The following APOL2 variants were observed in gnomAD, a reference collection of about 807,000 sequenced individuals.
APOL2 encodes the protein apolipoprotein L, 2.
Under a neutral mutation model 7.1 loss-of-function variants are expected in APOL2, and 8 were observed. That is an observed-to-expected ratio of 1.12 (90% CI 0.66 to 2.03). APOL2 has a LOEUF of 2.03. Ranked by LOEUF, APOL2 falls within the 30% of genes most tolerant of loss-of-function variation. APOL2 has a pLI of 0.00. For missense variants in APOL2, 471 were observed against 415.1 expected (o/e 1.13, Z -1.17); for synonymous variants, 177 against 159.9 (o/e 1.11, Z -0.81).
rs1170166306 is a variant in APOL2, at chr22:36,227,538, C to G, written c.880G>C (p.Glu294Gln). The G allele has an allele frequency of 1.9e-6, 3 of 1,614,036 alleles. No individual in the cohort carries two copies. The highest frequency in any genetic ancestry group is 4.5e-5 in the East Asian group (2 of 44,890). Residue 294 changes from glutamate (E) to glutamine (Q), a missense_variant, in exon 5 of 5, where the codon GAG becomes CAG. By Grantham distance (29) the Glu-to-Gln change is conservative (BLOSUM62 2). Coordinates refer to ENST00000358502, the MANE Select transcript of APOL2 (RefSeq NM_030882.4). Reference protein sequence around the residue: ...LLLDVVSLAYESKHLLEGAKS... With the variant: ...LLLDVVSLAYQSKHLLEGAKS... ...GCCCCCTCAAGCAAGTGCTTTGACT[C>G]ATATGCAAGGCTGACCACATCCAGC...
chr22:36,237,106 G>A, intron 1 of APOL2: 1 of 1,534,872 alleles, frequency 6.5e-7, no homozygotes, highest in East Asian at 2.5e-5. Flanking sequence ...CCATCCTCCT[G>A]GGTCATTGTT....
At position 36,227,763 on chromosome 22, in the gene APOL2, C is replaced by A; in HGVS notation, c.655G>T (p.Gly219Trp). 5.6e-6 allele frequency: 9 copies of A among 1,614,242 alleles called. No individual in the cohort carries two copies. Among genetic ancestry groups the A allele is most frequent in the Non-Finnish European group, 6.8e-6 (8 of 1,180,050 alleles). Residue 219 changes from glycine (G) to tryptophan (W), a missense_variant, in exon 5 of 5, where the codon GGG becomes TGG. Physicochemically the swap from Gly to Trp is radical, Grantham distance 184. Transcript: ENST00000358502. ...ATGGCACGGATGTTCCTCCCAATCC[C>A]TTGTGTGACTTGGTACCAATTGTCA... is the stretch of plus-strand genomic sequence containing the variant. ...LVDNWYQVTQ[G>W]IGRNIRAIRR...
At chr22:36,238,183 G>A (rs192564508) in intron 1 of APOL2, among the ~76,000 whole-genome samples, 11 of 152,290 alleles carry the variant, frequency 7.2e-5, no homozygotes, top group Admixed American at 1.3e-4. Context: ...GATGCCCTCC[G>A]CCCTCCCTGG....
In APOL2 at chr22:36,227,768, G is replaced by A. The variant is rs1033495952; in HGVS notation, c.650C>T (p.Thr217Ile). The A allele has an allele frequency of 4.3e-6, 7 of 1,614,120 alleles. No individual in the cohort carries two copies. The African/African-American group carries it at 8.0e-5, about 18-fold the overall frequency. The change falls in exon 5 of 5, where the codon ACA (threonine) becomes ATA (isoleucine). Residue 217 changes from threonine (T) to isoleucine (I), a missense_variant. Transcript: ENST00000358502. ...ACGGATGTTCCTCCCAATCCCTTGTGTGACTTGGTACCAATTGTCAACTAA... is the reference window on the plus strand; with the variant it reads ...ACGGATGTTCCTCCCAATCCCTTGTATGACTTGGTACCAATTGTCAACTAA... Reference protein sequence around the residue: ...LTLVDNWYQVTQGIGRNIRAI... With the variant: ...LTLVDNWYQVIQGIGRNIRAI...
rs771501980 is a variant in APOL2 at position 36,233,411 on chromosome 22, G to A, written c.-89C>T. The stretch of plus-strand genomic sequence containing the variant: ...ATTTACAGAAACTCACCTCGTTCCA[G>A]CTTCCTCTTCCCTCACTCTCACACC... On this transcript the variant is annotated 5_prime_UTR_variant, in exon 2 of 5. Transcript: ENST00000358502. 1.3e-6 allele frequency: 2 copies of A among 1,551,780 alleles called. No individual in the cohort carries two copies. The highest frequency in any genetic ancestry group is 1.4e-5 in the African/African-American group (1 of 73,210).
At position 36,226,245 on chromosome 22, in the gene APOL2, G is replaced by A. The variant is rs968189177; in HGVS notation, c.*1159C>T. On this transcript the variant is annotated 3_prime_UTR_variant, in exon 5 of 5. Coordinates refer to ENST00000358502, the MANE Select transcript of APOL2 (RefSeq NM_030882.4). ...GTGAGTTTATTGGGACTTACACACAGGTCAATCCTGGGCAGCGACAGGACA... is the reference window on the plus strand; with the variant it reads ...GTGAGTTTATTGGGACTTACACACAAGTCAATCCTGGGCAGCGACAGGACA... 2 of 152,248 alleles carry A rather than the reference G, an allele frequency of 1.3e-5. No homozygotes were observed. Among genetic ancestry groups the A allele is most frequent in the Non-Finnish European group, 2.9e-5 (2 of 68,064 alleles). 9.4% of individuals were successfully genotyped at this position (152,248 alleles called of 1,614,324 possible). A position where few individuals can be genotyped will look rare whatever the true frequency, so the allele number is the denominator to read the frequency against.
chr22:36,235,676 T>C (rs145962475), intron 1 of APOL2, among the ~76,000 whole-genome samples: 227 of 149,666 alleles, frequency 1.5e-3, no homozygotes, highest in Non-Finnish European at 2.5e-3. Flanking sequence ...ATAGAAAAGT[T>C]ACCAGGCACA....
chr22:36,228,213 T>C lies in APOL2; in HGVS notation c.205A>G (p.Asn69Asp). Residue 69 changes from asparagine to aspartate, a missense_variant, in exon 5 of 5, where the codon AAC (asparagine) becomes GAC (aspartate). Physicochemically the swap from Asn to Asp is conservative, Grantham distance 23. Transcript: ENST00000358502. ...TGCTGCTGGTCTTTATCGTGGCGGT[T>C]TTTGTCCTTCATGACCATGTGACTT... ...LASHMVMKDK[N>D]RHDKDQQHRQ... 6.2e-7 allele frequency: 1 copy of C among 1,614,214 alleles called. No individual in the cohort carries two copies. Among genetic ancestry groups the C allele is most frequent in the Non-Finnish European group, 8.5e-7 (1 of 1,180,036 alleles).
upstream of APOL2, chr22:36,239,766 G>A: frequency 2.0e-6 from 1 of 503,094 alleles, no homozygotes; most frequent in Non-Finnish European, 3.6e-6. Flanking sequence ...GGTCTGCTGT[G>A]TCAGCTGCCC....
chr22:36,232,224 T>C (rs1969636274), intron 3 of APOL2, among the ~76,000 whole-genome samples: 1 of 152,246 alleles, frequency 6.6e-6, no homozygotes, highest in African/African-American at 2.4e-5. Context: ...CTCTTCCAGT[T>C]TGGTTTTCTC....
Position 36,227,223 on chromosome 22 carries a change from G to A in APOL2, c.*181C>T, listed in dbSNP as rs547660602. Reference sequence around the variant, plus strand: ...CCCAGCTACTCGGGAGACTGAGGCCGGAGAATGGTGTGAACCCGGGAGGCG... The same window carrying A: ...CCCAGCTACTCGGGAGACTGAGGCCAGAGAATGGTGTGAACCCGGGAGGCG... On this transcript the variant is annotated 3_prime_UTR_variant, in exon 5 of 5. Coordinates refer to ENST00000358502, the MANE Select transcript of APOL2 (RefSeq NM_030882.4). The A allele has an allele frequency of 2.5e-5, 17 of 673,506 alleles. No homozygotes were observed. The highest frequency in any genetic ancestry group is 7.1e-5 in the Admixed American group (2 of 28,094). 41.7% of individuals were successfully genotyped at this position (673,506 alleles called of 1,614,324 possible). A position where few individuals can be genotyped will look rare whatever the true frequency, so the allele number is the denominator to read the frequency against.
At chr22:36,230,203 C>A (rs147737724) in intron 4 of APOL2, among the ~76,000 whole-genome samples, 1 of 152,174 alleles carries the variant, frequency 6.6e-6, no homozygotes, top group African/African-American at 2.4e-5. Context: ...CTGCTCAGTA[C>A]CCCTGAAATT....
chr22:36,230,941 C>G (rs1336920477), intron 4 of APOL2, among the ~76,000 whole-genome samples: 1 of 152,234 alleles, frequency 6.6e-6, no homozygotes, highest in Non-Finnish European at 1.5e-5. Flanking sequence ...ACCCTGGTCT[C>G]TTTCCACCAA....
In APOL2 at chr22:36,236,730, C is replaced by T. The variant is rs764658647; in HGVS notation, c.-134+2711G>A. The T allele has an allele frequency of 4.3e-4, 421 of 985,342 alleles. 1 individual carries two copies. The highest frequency in any genetic ancestry group is 1.0e-3 in the Middle Eastern group (2 of 1,914). The allele number at this position is 985,342 out of a possible 1,614,324, so 61.0% of individuals were successfully genotyped here. A position where few individuals can be genotyped will look rare whatever the true frequency, so the allele number is the denominator to read the frequency against. ...AAAAGCCCCCTCCTCAAAAGCCACT[C>T]GCCTCCCTCTTTCCACTTCCCACCT... On this transcript the variant is annotated intron_variant, in intron 1 of 4. Transcript: ENST00000358502.
At chr22:36,231,760 G>T (rs1187828780) in intron 3 of APOL2, among the ~76,000 whole-genome samples, 1 of 152,212 alleles carries the variant, frequency 6.6e-6, no homozygotes, top group African/African-American at 2.4e-5. Flanking sequence ...ATTGTAAGAA[G>T]AGAAAGAGAA....
intron 4 of APOL2, among the ~76,000 whole-genome samples, chr22:36,230,546 C>T (rs916647147): frequency 2.6e-5 from 4 of 152,142 alleles, no homozygotes; most frequent in African/African-American, 4.8e-5. Flanking sequence ...CAAACCAAGG[C>T]TGACTCTTAC....
intron 1 of APOL2, among the ~76,000 whole-genome samples, chr22:36,235,608 G>A (rs867696393): frequency 2.6e-5 from 4 of 152,024 alleles, no homozygotes; most frequent in Non-Finnish European, 4.4e-5. Context: ...AGAAAGTCAC[G>A]GAAATCCTCC....
At position 36,227,248 on chromosome 22, in the gene APOL2, G is replaced by A. The variant is rs1248828589; in HGVS notation, c.*156C>T. On this transcript the variant is annotated 3_prime_UTR_variant, in exon 5 of 5. Coordinates refer to ENST00000358502, the MANE Select transcript of APOL2 (RefSeq NM_030882.4). ...GGAGAATGGTGTGAACCCGGGAGGC[G>A]GAGTTTGCAGTGAGCCGAGATTGAG... 11 of 882,200 alleles carry A rather than the reference G, an allele frequency of 1.2e-5. No homozygotes were observed. The highest frequency in any genetic ancestry group is 5.7e-5 in the East Asian group (2 of 35,214). 54.6% of individuals were successfully genotyped at this position (882,200 alleles called of 1,614,324 possible).
chr22:36,231,317 G>T, intron 4 of APOL2, 23 bp downstream of exon 4: 6 of 1,610,790 alleles, frequency 3.7e-6, no homozygotes, highest in Non-Finnish European at 5.1e-6. Flanking sequence ...GGCGCCCCAT[G>T]GAGTTAACCC....
Sources: allele counts gnomAD v4.1 joint callset (sites outside exome capture counted in the v4.1 genomes callset), GRCh38; gene constraint gnomAD v4.1.1; transcripts MANE v1.5; gene names NCBI Gene and HGNC (gene_info 2026-07-23, HGNC 2026-07-21).